Variants in PXK observed in about 807,000 individuals in gnomAD.
PXK encodes the protein PX domain containing serine/threonine kinase like, also known as PX domain-containing protein kinase-like protein.
A neutral mutation model predicts 84.7 loss-of-function variants in PXK; 35 were observed. The ratio of observed to expected loss-of-function variants is 0.41; its 90% CI spans 0.32 to 0.55. PXK has a LOEUF of 0.55. Among genes scored for constraint, PXK ranks in the 20% least tolerant of loss-of-function variants. The probability of loss-of-function intolerance (pLI) is 0.21; values close to 1 mark genes in which losing one functional copy is unlikely to be tolerated. For synonymous variants in PXK, 253 were observed against 260.8 expected (o/e 0.97, Z 0.29); for missense variants, 634 against 699.7 (o/e 0.91, Z 1.06).
In PXK at chr3:58,421,289, G is replaced by A; in HGVS notation, c.1529-3463G>A. ...GCTGCTAACATGGGCCTAAGAGTCGGTGGGGAAGGGAGCCAGGCGCAGTGG... is the reference window on the plus strand; with the variant it reads ...GCTGCTAACATGGGCCTAAGAGTCGATGGGGAAGGGAGCCAGGCGCAGTGG... On this transcript the variant is annotated intron_variant, in intron 17 of 17. Transcript: ENST00000356151. This position sits in a 1 kb window ranked among gnomAD's most constrained non-coding sequence, Gnocchi z 5.5. 5.1e-6 allele frequency: 5 copies of A among 985,350 alleles called. No individual in the cohort carries two copies. The highest frequency in any genetic ancestry group is 1.1e-4 in the East Asian group (1 of 8,798). The allele number at this position is 985,350 out of a possible 1,614,324, so 61.0% of individuals were successfully genotyped here. A position where few individuals can be genotyped will look rare whatever the true frequency, so the allele number is the denominator to read the frequency against.
rs2098528454 is a variant in PXK at position 58,383,908 on chromosome 3, T to C, written c.388+1208T>C. On this transcript the variant is annotated intron_variant, in intron 4 of 17. Coordinates refer to ENST00000356151, the MANE Select transcript of PXK (RefSeq NM_017771.5). This position sits in a 1 kb window ranked among gnomAD's most constrained non-coding sequence, Gnocchi z 4.0. Reference sequence around the variant, plus strand: ...ATTTTTATTCCTATTTTATTCCTTTTATTTATTTATTCATACCCATTCATT... The same window carrying C: ...ATTTTTATTCCTATTTTATTCCTTTCATTTATTTATTCATACCCATTCATT... 6.6e-6 allele frequency among the ~76,000 whole-genome samples: 1 copy of C among 152,240 alleles called. No homozygotes were observed.
intron 3 of PXK, among the ~76,000 whole-genome samples, chr3:58,377,373 C>T (rs964816812): frequency 6.6e-6 from 1 of 152,032 alleles, no homozygotes; most frequent in Non-Finnish European, 1.5e-5. Context: ...CTCTTTAGAC[C>T]TTACCCTCGA....
chr3:58,338,698 T>C (rs1004997516), intron 1 of PXK, among the ~76,000 whole-genome samples: 3 of 151,888 alleles, frequency 2.0e-5, no homozygotes, highest in Non-Finnish European at 4.4e-5. Context: ...TTCTTTTTTT[T>C]TTTTTTAGCT....
intron 1 of PXK, among the ~76,000 whole-genome samples, chr3:58,346,989 C>G (rs903950250): frequency 2.6e-5 from 4 of 152,172 alleles, no homozygotes; most frequent in African/African-American, 9.7e-5. Context: ...CAGGCGCGTG[C>G]CACCATGCCC....
rs1248194745 is a variant in PXK, at chr3:58,397,017, A to C, written c.823-22A>C. 8 of 1,589,422 alleles carry C rather than the reference A, an allele frequency of 5.0e-6. No individual in the cohort carries two copies. Among genetic ancestry groups the C allele is most frequent in the Non-Finnish European group, 6.9e-6 (8 of 1,163,802 alleles). On this transcript the variant is annotated intron_variant, in intron 9 of 17. Transcript: ENST00000356151. The surrounding 1 kb of genome is among the most constrained non-coding windows in gnomAD (Gnocchi z 4.7). ...TCTGAATGAGTTTGGGGAAAATGTA[A>C]CTTTCCCATATGTTTTGATAGGTAC...
chr3:58,388,267 T>G (rs1348613202), intron 4 of PXK, among the ~76,000 whole-genome samples: 4 of 152,204 alleles, frequency 2.6e-5, no homozygotes, highest in African/African-American at 9.7e-5. Context: ...TCCAGTATGT[T>G]CCATCTGTTC....
At chr3:58,360,857 CAG>C (rs1256783700) in intron 1 of PXK, among the ~76,000 whole-genome samples, 3 of 150,414 alleles carry the variant, frequency 2.0e-5, no homozygotes, top group Admixed American at 1.3e-4. Flanking sequence ...GTTAATAAAA[CAG>C]TTCTGAACAT....
At chr3:58,423,460 G>A in intron 17 of PXK, 1 of 1,529,722 alleles carries the variant, frequency 6.5e-7, no homozygotes, top group Non-Finnish European at 8.8e-7. Context: ...TTTAATTTCA[G>A]CTGCCTTAGG....
At chr3:58,402,995 G>A (rs2058832496) in intron 12 of PXK, among the ~76,000 whole-genome samples, 1 of 148,168 alleles carries the variant, frequency 6.7e-6, no homozygotes. Context: ...TTACTTTTTT[G>A]CAATAACATA....
intron 1 of PXK, among the ~76,000 whole-genome samples, chr3:58,348,701 A>G (rs2107951742): frequency 6.6e-6 from 1 of 151,950 alleles, no homozygotes; most frequent in Non-Finnish European, 1.5e-5. Context: ...GCTTGAGGCC[A>G]GGAGATCGAG....
chr3:58,417,642 T>C (rs1168075694), intron 17 of PXK, among the ~76,000 whole-genome samples: 1 of 152,220 alleles, frequency 6.6e-6, no homozygotes, highest in Non-Finnish European at 1.5e-5. Context: ...GCACTGTCTT[T>C]TCTGCAAAAG....
intron 2 of PXK, among the ~76,000 whole-genome samples, chr3:58,366,966 G>C (rs1185819638): frequency 6.6e-6 from 1 of 152,104 alleles, no homozygotes; most frequent in Non-Finnish European, 1.5e-5. Context: ...TTAACTTTTT[G>C]ATGTATATTT....
intron 17 of PXK, among the ~76,000 whole-genome samples, chr3:58,415,275 T>C (rs746379650): frequency 6.6e-6 from 1 of 152,068 alleles, no homozygotes; most frequent in Non-Finnish European, 1.5e-5. Flanking sequence ...ACCCCACAGG[T>C]TGGGGCTCAG....
intron 17 of PXK, chr3:58,420,523 T>C (rs1026063854): frequency 6.5e-7 from 1 of 1,535,860 alleles, no homozygotes; most frequent in Non-Finnish European, 8.7e-7. Context: ...CTCTCTCTCT[T>C]TGCTGTTTTC....
intron 1 of PXK, among the ~76,000 whole-genome samples, chr3:58,341,970 C>T (rs911503398): frequency 6.6e-6 from 1 of 152,086 alleles, no homozygotes; most frequent in Non-Finnish European, 1.5e-5. Context: ...TCCCAAAGTG[C>T]TGGGATTACA....
In PXK at chr3:58,406,710, A is replaced by G. The variant is rs558470772; in HGVS notation, c.1231-2214A>G. 7.2e-5 allele frequency among the ~76,000 whole-genome samples: 11 copies of G among 152,340 alleles called. 1 individual carries two copies. The highest frequency in any genetic ancestry group is 6.2e-4 in the South Asian group (3 of 4,830). ...GCTTACAACCTGAAACTCTATACCC[A>G]TAGAATAATGACTCCCCATTTCTCC... On this transcript the variant is annotated intron_variant, in intron 13 of 17. Coordinates refer to ENST00000356151, the MANE Select transcript of PXK (RefSeq NM_017771.5).
intron 13 of PXK, among the ~76,000 whole-genome samples, chr3:58,404,117 A>G (rs766472463): frequency 3.3e-5 from 5 of 152,236 alleles, no homozygotes; most frequent in Non-Finnish European, 7.3e-5. Context: ...AAGACATTGT[A>G]GTAATATGGA....
chr3:58,362,006 G>C (rs1010620473), intron 1 of PXK, among the ~76,000 whole-genome samples: 20 of 152,218 alleles, frequency 1.3e-4, no homozygotes, highest in African/African-American at 3.9e-4. Context: ...CCAGGATTTG[G>C]TGTTATTACT....
chr3:58,378,112 G>A (rs2098459022), intron 3 of PXK, among the ~76,000 whole-genome samples: 1 of 152,180 alleles, frequency 6.6e-6, no homozygotes, highest in South Asian at 2.1e-4. Flanking sequence ...GGGGTATGCA[G>A]GCACATTTGA....
Sources: allele counts gnomAD v4.1 joint callset (sites outside exome capture counted in the v4.1 genomes callset), GRCh38; gene constraint gnomAD v4.1.1; non-coding constraint Gnocchi (gnomAD v3.1); transcripts MANE v1.5; gene names NCBI Gene and HGNC (gene_info 2026-07-23, HGNC 2026-07-21).